The following SLC35E4 variants were observed in gnomAD, a reference collection of about 807,000 sequenced individuals.
SLC35E4 encodes the protein solute carrier family 35 member E4.
In SLC35E4, 15 loss-of-function variants were observed where a neutral mutation model predicts 19.3. That is an observed-to-expected ratio of 0.78 (90% CI 0.52 to 1.20). The LOEUF is 1.20. Ranked by LOEUF, SLC35E4 falls within the 50% of genes most tolerant of loss-of-function variation. The probability of loss-of-function intolerance (pLI) is 0.00; values close to 1 mark genes in which losing one functional copy is unlikely to be tolerated. For synonymous variants in SLC35E4, 219 were observed against 219.9 expected, an observed-to-expected ratio of 1.00 and a Z score of 0.04; for missense variants, 406 against 472.3, an observed-to-expected ratio of 0.86 and a Z score of 1.30.
chr22:30,639,716 C>T (rs1436548357), intron 1 of SLC35E4, among the ~76,000 whole-genome samples: 1 of 152,230 alleles, frequency 6.6e-6, no homozygotes, highest in Non-Finnish European at 1.5e-5. Context: ...CTCTGTTCCA[C>T]CCGGCTCACC....
At chr22:30,640,562 C>T (rs2088020998) in intron 1 of SLC35E4, among the ~76,000 whole-genome samples, 1 of 152,056 alleles carries the variant, frequency 6.6e-6, no homozygotes, top group South Asian at 2.1e-4. Flanking sequence ...TGCCTGAGGG[C>T]GAAGGCTGGC....
At position 30,635,968 on chromosome 22, in the gene SLC35E4, G is replaced by A. The variant is rs111351288; in HGVS notation, c.-483G>A. 0.016 allele frequency: 2,472 copies of A among 153,010 alleles called. 30 individuals carry two copies. The highest frequency in any genetic ancestry group is 0.03 in the South Asian group (147 of 4,868). 9.5% of individuals were successfully genotyped at this position (153,010 alleles called of 1,614,324 possible). ...GCGCTGTGGGAGGCAGCGAGCCCGC[G>A]ACCCCCCGGGCCGGGCACCGCCAGG... On this transcript the variant is annotated 5_prime_UTR_variant, in exon 1 of 2. Transcript: ENST00000343605.
At chr22:30,650,283 G>C (rs1223122042), downstream of SLC35E4, among the ~76,000 whole-genome samples, 1 of 151,698 alleles carries the variant, frequency 6.6e-6, no homozygotes, top group African/African-American at 2.4e-5. Flanking sequence ...AGTGAGCCGA[G>C]ATCATGCCAT....
At chr22:30,654,628 G>T in intron 2 of SLC35E4, 1 of 458,464 alleles carries the variant, frequency 2.2e-6, no homozygotes, top group Non-Finnish European at 4.3e-6. Context: ...GCCTCGGGAA[G>T]GGTTGCTGTT....
intron 2 of SLC35E4, chr22:30,662,005 G>A (rs1163646136): frequency 6.6e-6 from 1 of 151,036 alleles, no homozygotes; most frequent in Non-Finnish European, 1.5e-5. Context: ...CCTCCTGTGA[G>A]GTAGGGTCTG....
At chr22:30,664,012 TG>T (rs756544719), downstream of SLC35E4, 1 of 1,607,740 alleles carries the variant, frequency 6.2e-7, no homozygotes, top group Non-Finnish European at 8.5e-7. Flanking sequence ...ATCAAGGCGG[TG>T]GGTCAGTGGT....
chr22:30,641,431 C>T (rs1258613406), intron 1 of SLC35E4, among the ~76,000 whole-genome samples: 1 of 152,230 alleles, frequency 6.6e-6, no homozygotes, highest in Non-Finnish European at 1.5e-5. Context: ...TGATCACCAC[C>T]TGGTTACCTG....
chr22:30,667,297 C>T (rs1284220980), downstream of SLC35E4: 1 of 152,226 alleles, frequency 6.6e-6, no homozygotes, highest in African/African-American at 2.4e-5. Context: ...TGAACAAACA[C>T]CGCGGGGCGT....
chr22:30,652,987 C>T (rs759479054), intron 2 of SLC35E4, among the ~76,000 whole-genome samples: 6 of 152,112 alleles, frequency 3.9e-5, no homozygotes, highest in South Asian at 2.1e-4. Flanking sequence ...TGATTGAGGA[C>T]GTGAGGACAT....
At chr22:30,657,224 CAGG>C (rs1211101834) in intron 2 of SLC35E4, among the ~76,000 whole-genome samples, 2 of 151,664 alleles carry the variant, frequency 1.3e-5, no homozygotes, top group African/African-American at 4.9e-5. Context: ...CACCTGAGGT[CAGG>C]AGTTTGAGAC....
chr22:30,654,672 CTTCT>C (rs1393237952), intron 2 of SLC35E4: 6 of 432,974 alleles, frequency 1.4e-5, no homozygotes, highest in Non-Finnish European at 2.3e-5. Context: ...GGTACTTCAA[CTTCT>C]TTCTATAGAC....
intron 1 of SLC35E4, among the ~76,000 whole-genome samples, chr22:30,643,995 G>A (rs1270185420): frequency 6.6e-6 from 1 of 152,158 alleles, no homozygotes; most frequent in Non-Finnish European, 1.5e-5. Flanking sequence ...TACAATAGGT[G>A]TGAGGAGATG....
chr22:30,649,301 C>G, downstream of SLC35E4: 1 of 712,150 alleles, frequency 1.4e-6, no homozygotes. Flanking sequence ...ATTCACCCAA[C>G]CTTTCTGGAA....
chr22:30,655,733 C>T (rs1381851603), intron 2 of SLC35E4, among the ~76,000 whole-genome samples: 1 of 151,932 alleles, frequency 6.6e-6, no homozygotes, highest in Non-Finnish European at 1.5e-5. Context: ...CTGTGGGGTG[C>T]CTTCTTATGC....
downstream of SLC35E4, among the ~76,000 whole-genome samples, chr22:30,652,719 C>T (rs2088247041): frequency 6.6e-6 from 1 of 152,202 alleles, no homozygotes; most frequent in African/African-American, 2.4e-5. Flanking sequence ...TCCATAGGGC[C>T]CCTTGAGTGT....
chr22:30,649,038 C>T, downstream of SLC35E4: 1 of 620,252 alleles, frequency 1.6e-6, no homozygotes, highest in Non-Finnish European at 3.0e-6. Flanking sequence ...ACACCTAACT[C>T]TCCCCAGCCA....
At chr22:30,658,701 G>C (rs1327497071) in intron 2 of SLC35E4, among the ~76,000 whole-genome samples, 1 of 152,122 alleles carries the variant, frequency 6.6e-6, no homozygotes, top group Non-Finnish European at 1.5e-5. Context: ...AGTTGCACAT[G>C]AATTTGTAGG....
exon 3 of SLC35E4, chr22:30,662,789 A>G (rs1313547421): frequency 1.3e-5 from 2 of 152,340 alleles, no homozygotes; most frequent in Non-Finnish European, 2.9e-5. Flanking sequence ...TGATCACACT[A>G]CTGCACTCTA....
At chr22:30,658,724 G>T (rs774863366) in intron 2 of SLC35E4, among the ~76,000 whole-genome samples, 6 of 152,118 alleles carry the variant, frequency 3.9e-5, no homozygotes, top group Non-Finnish European at 5.9e-5. Flanking sequence ...CACATGCATG[G>T]ACCTGACCCT....
Sources: gnomAD v4.1 joint callset for allele counts (sites outside exome capture counted in the v4.1 genomes callset) on GRCh38, gnomAD v4.1.1 for gene constraint, MANE v1.5 for transcripts, NCBI Gene and HGNC (gene_info 2026-07-23, HGNC 2026-07-21) for gene names.